LARGE1: variants seen among roughly 807,000 people sequenced by gnomAD.
The protein encoded by LARGE1 is xylosyl- and glucuronyltransferase LARGE1.
Under a neutral mutation model 87.6 loss-of-function variants are expected in LARGE1, and 43 were observed. The ratio of observed to expected loss-of-function variants is 0.49; its 90% CI spans 0.38 to 0.63. LARGE1 has a LOEUF of 0.63. Ranked by LOEUF, LARGE1 falls within the 30% of genes least tolerant of loss-of-function variation. The pLI, the probability that LARGE1 is intolerant of heterozygous loss-of-function variation, is 0.00. For synonymous variants in LARGE1, 434 were observed against 394.6 expected, an observed-to-expected ratio of 1.10 and a Z score of -1.18; for missense variants, 802 against 1,000.2, an observed-to-expected ratio of 0.80 and a Z score of 2.67.
chr22:33,680,496 T>C (rs1447947538), intron 2 of LARGE1, among the ~76,000 whole-genome samples: 1 of 150,022 alleles, frequency 6.7e-6, no homozygotes, highest in Non-Finnish European at 1.5e-5. Flanking sequence ...GATGCACAAA[T>C]TTGTATTGAT....
At chr22:33,767,411 A>T (rs115228112) in intron 1 of LARGE1, among the ~76,000 whole-genome samples, 2,963 of 149,576 alleles carry the variant, frequency 0.02, 95 homozygotes, top group African/African-American at 0.068. Flanking sequence ...AGTATAAAAT[A>T]TATATGCATA....
chr22:33,893,200 T>G (rs116804300), intron 1 of LARGE1, among the ~76,000 whole-genome samples: 155 of 152,188 alleles, frequency 1.0e-3, no homozygotes, highest in African/African-American at 3.5e-3. Flanking sequence ...CTAAAGAAAA[T>G]ACATTTTAAT....
intron 3 of LARGE1, among the ~76,000 whole-genome samples, chr22:33,627,413 C>T (rs1359920872): frequency 6.6e-6 from 1 of 152,198 alleles, no homozygotes; most frequent in Non-Finnish European, 1.5e-5. Context: ...CCTCTTAACA[C>T]CCACTCCAGT....
intron 12 of LARGE1, among the ~76,000 whole-genome samples, chr22:33,288,654 A>G (rs957688440): frequency 6.6e-6 from 1 of 152,162 alleles, no homozygotes; most frequent in African/African-American, 2.4e-5. Flanking sequence ...AGCAACAGAA[A>G]TTAATACCAG....
the LARGE1 span, among the ~76,000 whole-genome samples, chr22:33,086,097 A>G: frequency 1.8e-4 from 28 of 152,336 alleles, no homozygotes; most frequent in Middle Eastern, 3.4e-3. Context: ...TGCTTCGGAA[A>G]AATATGCTTC....
chr22:33,821,525 T>A (rs896817709), intron 1 of LARGE1, among the ~76,000 whole-genome samples: 4 of 152,162 alleles, frequency 2.6e-5, no homozygotes, highest in African/African-American at 9.6e-5. Context: ...ATGGTAAGGA[T>A]GTCCAAGAAA....
rs190346240 is a variant in LARGE1 at position 33,700,496 on chromosome 22, G to C, written c.107-49828C>G. 2.7e-4 allele frequency among the ~76,000 whole-genome samples: 41 copies of C among 152,322 alleles called. 2 individuals are homozygous for C. Among genetic ancestry groups the C allele is most frequent in the Middle Eastern group, 3.4e-3 (1 of 294 alleles). On this transcript the variant is annotated intron_variant, in intron 2 of 14. Coordinates refer to ENST00000397394, the MANE Select transcript of LARGE1 (RefSeq NM_133642.5). ...TAAAATGCAAAATGGGATGACATGA[G>C]GGCTGGCGGGGGTGCCAGAACTATG... is the stretch of plus-strand genomic sequence containing the variant.
intron 5 of LARGE1, among the ~76,000 whole-genome samples, chr22:33,587,996 C>T (rs2078726197): frequency 6.6e-6 from 1 of 152,152 alleles, no homozygotes; most frequent in South Asian, 2.1e-4. Context: ...ACCATGGATA[C>T]CCAGAACTTA....
intron 1 of LARGE1, among the ~76,000 whole-genome samples, chr22:33,831,417 G>A (rs1295208718): frequency 6.6e-6 from 1 of 152,160 alleles, no homozygotes; most frequent in Non-Finnish European, 1.5e-5. Flanking sequence ...AGGAAGCCAG[G>A]GCCTGGAGAG....
intron 2 of LARGE1, among the ~76,000 whole-genome samples, chr22:33,651,441 T>C (rs16985355): frequency 0.048 from 7,323 of 151,032 alleles, 512 homozygotes; most frequent in African/African-American, 0.16. Flanking sequence ...ACTAAGTTTA[T>C]TGAGCTCTTC....
At chr22:33,773,168 G>A (rs915484610) in intron 1 of LARGE1, among the ~76,000 whole-genome samples, 9 of 152,156 alleles carry the variant, frequency 5.9e-5, no homozygotes, top group African/African-American at 2.2e-4. Context: ...TCCGGGTCTG[G>A]GGCCACGCGA....
At chr22:33,135,668 T>C in the LARGE1 span, among the ~76,000 whole-genome samples, 11 of 151,902 alleles carry the variant, frequency 7.2e-5, no homozygotes, top group Admixed American at 2.6e-4. Flanking sequence ...GGCAAAACCC[T>C]GTCTCTACTA....
chr22:33,807,977 T>G (rs1339185096), intron 1 of LARGE1, among the ~76,000 whole-genome samples: 2 of 152,224 alleles, frequency 1.3e-5, no homozygotes, highest in East Asian at 1.9e-4. Flanking sequence ...TATGTGAAGG[T>G]TTCTGTGTGG....
intron 1 of LARGE1, among the ~76,000 whole-genome samples, chr22:33,874,151 T>G (rs2064391790): frequency 1.3e-5 from 2 of 152,172 alleles, no homozygotes; most frequent in Admixed American, 1.3e-4. Flanking sequence ...ACCTCTTCTT[T>G]CCTGGCTAAC....
intron 1 of LARGE1, among the ~76,000 whole-genome samples, chr22:33,858,051 G>T (rs1395581215): frequency 6.6e-6 from 1 of 152,142 alleles, no homozygotes; most frequent in Admixed American, 6.5e-5. Flanking sequence ...ATGGAATCTT[G>T]GGCCATGTGG....
intron 10 of LARGE1, among the ~76,000 whole-genome samples, chr22:33,330,283 A>C (rs1212972997): frequency 1.3e-5 from 2 of 152,200 alleles, no homozygotes; most frequent in East Asian, 3.9e-4. Context: ...GTTCTGGAAG[A>C]GTCCTGGGGT....
chr22:33,323,844 T>G (rs564629324), intron 10 of LARGE1, among the ~76,000 whole-genome samples: 7 of 152,304 alleles, frequency 4.6e-5, no homozygotes, highest in Non-Finnish European at 1.0e-4. Context: ...TGGTTATGAT[T>G]ATATTATGTA....
At chr22:33,604,275 C>T (rs1248695339) in intron 5 of LARGE1, among the ~76,000 whole-genome samples, 160 bp downstream of exon 5, 2 of 152,178 alleles carry the variant, frequency 1.3e-5, no homozygotes, top group Admixed American at 6.5e-5. Flanking sequence ...TTTAATACTT[C>T]GATAATAAAA....
chr22:33,534,427 AAG>A (rs1038487144), intron 6 of LARGE1, among the ~76,000 whole-genome samples: 10 of 151,852 alleles, frequency 6.6e-5, no homozygotes, highest in African/African-American at 2.4e-4. Flanking sequence ...CAAAAAAAAA[AAG>A]AGGGATGAAG....
Sources: gnomAD v4.1 joint callset for allele counts (sites outside exome capture counted in the v4.1 genomes callset) on GRCh38, gnomAD v4.1.1 for gene constraint, MANE v1.5 for transcripts, NCBI Gene and HGNC (gene_info 2026-07-23, HGNC 2026-07-21) for gene names.